The following RAB3B variants were observed in gnomAD, a reference collection of about 807,000 sequenced individuals.
The protein encoded by RAB3B is RAB3B, member RAS oncogene family.
Under a neutral mutation model 20.5 loss-of-function variants are expected in RAB3B, and 11 were observed. The observed-to-expected ratio is 0.54, with a 90% CI of 0.34 to 0.89. The LOEUF (loss-of-function observed/expected upper bound fraction) is 0.89, where lower values mean the gene tolerates loss of function less well. Among genes scored for constraint, RAB3B ranks in the 40% least tolerant of loss-of-function variants. The probability of loss-of-function intolerance (pLI) is 0.02; values close to 1 mark genes in which losing one functional copy is unlikely to be tolerated. For missense variants in RAB3B, 225 were observed against 280.9 expected (o/e 0.80, Z 1.42); for synonymous variants, 99 against 106.3 (o/e 0.93, Z 0.42).
intron 2 of RAB3B, among the ~76,000 whole-genome samples, chr1:51,960,287 G>A (rs1684768025): frequency 6.6e-6 from 1 of 152,214 alleles, no homozygotes; most frequent in Non-Finnish European, 1.5e-5. Context: ...AATATGACAA[G>A]AGCAGAGAGG....
At chr1:51,982,307 G>C (rs1685098036) in intron 1 of RAB3B, among the ~76,000 whole-genome samples, 1 of 152,178 alleles carries the variant, frequency 6.6e-6, no homozygotes, top group African/African-American at 2.4e-5. Context: ...CAACACTTTG[G>C]GAGGCCAAGG....
Position 51,971,010 on chromosome 1 carries a change from C to CAA in RAB3B, c.228+5878_228+5879dup, listed in dbSNP as rs3074914. ...TGGGTGACAGAGCGAGACTCCGTCT[C>CAA]AAAAAAAAAAAAAAAAAAAAAAAGA... is the stretch of plus-strand genomic sequence containing the variant. On this transcript the variant is annotated intron_variant, in intron 2 of 4. Coordinates refer to ENST00000371655, the MANE Select transcript of RAB3B (RefSeq NM_002867.4). Among the ~76,000 whole-genome samples the CAA allele has an allele frequency of 8.0e-3, 438 of 54,848 alleles. 4 individuals are homozygous for CAA. The highest frequency in any genetic ancestry group is 0.033 in the East Asian group (76 of 2,312). 36.0% of individuals were successfully genotyped at this position (54,848 alleles called of 152,430 possible).
intron 4 of RAB3B, among the ~76,000 whole-genome samples, chr1:51,928,987 A>G (rs1227067556): frequency 2.6e-5 from 4 of 152,154 alleles, no homozygotes; most frequent in African/African-American, 4.8e-5. Context: ...GTTAACTTCT[A>G]TCTGCCCCCT....
intron 1 of RAB3B, among the ~76,000 whole-genome samples, chr1:51,982,438 GC>G (rs1685100010): frequency 6.6e-6 from 1 of 151,998 alleles, no homozygotes; most frequent in Admixed American, 6.6e-5. Context: ...GTGTATTTGT[GC>G]TTTAAGTTAA....
At chr1:51,971,076 G>A (rs1684926461) in intron 2 of RAB3B, among the ~76,000 whole-genome samples, 1 of 150,834 alleles carries the variant, frequency 6.6e-6, no homozygotes. Flanking sequence ...GGACCCAAAG[G>A]TAGAGAAAGG....
intron 2 of RAB3B, among the ~76,000 whole-genome samples, chr1:51,975,797 G>T (rs1369705163): frequency 6.6e-6 from 1 of 152,094 alleles, no homozygotes; most frequent in Non-Finnish European, 1.5e-5. Flanking sequence ...TTCGAGACCA[G>T]CCTGGCCAAC....
chr1:51,976,830 C>T, intron 2 of RAB3B, 60 bp downstream of exon 2: 1 of 1,492,878 alleles, frequency 6.7e-7, no homozygotes, highest in Non-Finnish European at 9.3e-7. Flanking sequence ...CCTCTAAGCC[C>T]TTGTACTGGC....
chr1:51,922,960 G>T (rs1684192244), intron 4 of RAB3B, among the ~76,000 whole-genome samples: 1 of 152,178 alleles, frequency 6.6e-6, no homozygotes, highest in Non-Finnish European at 1.5e-5. Flanking sequence ...GTCTCCCAAA[G>T]TGCTGGGATT....
chr1:51,923,133 A>G (rs1361305318), intron 4 of RAB3B, among the ~76,000 whole-genome samples: 5 of 152,232 alleles, frequency 3.3e-5, no homozygotes, highest in African/African-American at 1.2e-4. Flanking sequence ...TGCAGTTCAC[A>G]TTAACAGTTC....
At position 51,910,136 on chromosome 1, in the gene RAB3B, T is replaced by C. The variant is rs558281423; in HGVS notation, c.*9791A>G. ...AACTGAACCCAGGTCTGTCAGACTG[T>C]AAGCCCTGTAGGCTTAACTATTCTG... On this transcript the variant is annotated 3_prime_UTR_variant, in exon 5 of 5. Coordinates refer to ENST00000371655, the MANE Select transcript of RAB3B (RefSeq NM_002867.4). 1.1e-4 allele frequency: 16 copies of C among 152,308 alleles called. No individual in the cohort carries two copies. In the South Asian group the frequency reaches 2.7e-3, roughly 26 times the overall value. 9.4% of individuals were successfully genotyped at this position (152,308 alleles called of 1,614,324 possible).
At chr1:51,933,219 C>G in intron 4 of RAB3B, 99 bp downstream of exon 4, 6 of 1,308,486 alleles carry the variant, frequency 4.6e-6, no homozygotes, top group Non-Finnish European at 6.3e-6. Flanking sequence ...AATCACAACA[C>G]TAATGTCATA....
intron 2 of RAB3B, among the ~76,000 whole-genome samples, chr1:51,967,515 C>CTTTTTTTT (rs67927521): frequency 6.1e-5 from 1 of 16,436 alleles, no homozygotes; most frequent in African/African-American, 9.3e-5. Flanking sequence ...CTTTTCTTTT[C>CTTTTTTTT]TTTTTCTTTT....
chr1:51,957,066 T>G (rs2124283858), intron 2 of RAB3B, among the ~76,000 whole-genome samples: 1 of 152,012 alleles, frequency 6.6e-6, no homozygotes, highest in Middle Eastern at 3.4e-3. Context: ...CTATATAAAC[T>G]CTTTTCATGG....
intron 1 of RAB3B, among the ~76,000 whole-genome samples, chr1:51,981,153 C>T (rs893660513): frequency 2.0e-5 from 3 of 152,162 alleles, no homozygotes; most frequent in African/African-American, 7.2e-5. Context: ...ACCTCAGCCT[C>T]CCGAGTAGCT....
rs138906276 is a variant in RAB3B, at chr1:51,940,404, T to C, written c.229-2992A>G. ...CTGGGAGGCCAAGGTAGGTAGATCA[T>C]TTGAAGTCAGGAGTTTGAGGCCAGC... On this transcript the variant is annotated intron_variant, in intron 2 of 4. Transcript: ENST00000371655. 5.4e-3 allele frequency among the ~76,000 whole-genome samples: 825 copies of C among 152,166 alleles called. 7 individuals carry two copies. The highest frequency in any genetic ancestry group is 0.019 in the African/African-American group (779 of 41,526).
In RAB3B at chr1:51,917,025, G is replaced by A. The variant is rs1320848326; in HGVS notation, c.*2902C>T. ...GAATGTGGTTAAGAGCACAGACCTTGGAGCCTACTGCCTGGATGTGAACTC... is the reference window on the plus strand; with the variant it reads ...GAATGTGGTTAAGAGCACAGACCTTAGAGCCTACTGCCTGGATGTGAACTC... On this transcript the variant is annotated 3_prime_UTR_variant, in exon 5 of 5. Coordinates refer to ENST00000371655, the MANE Select transcript of RAB3B (RefSeq NM_002867.4). 6.6e-6 allele frequency: 1 copy of A among 152,148 alleles called. No individual in the cohort carries two copies. Among genetic ancestry groups the A allele is most frequent in the Non-Finnish European group, 1.5e-5 (1 of 68,034 alleles). 9.4% of individuals were successfully genotyped at this position (152,148 alleles called of 1,614,324 possible). A position where few individuals can be genotyped will look rare whatever the true frequency, so the allele number is the denominator to read the frequency against.
At chr1:51,984,310 C>T (rs1288933948) in intron 1 of RAB3B, among the ~76,000 whole-genome samples, 1 of 102,372 alleles carries the variant, frequency 9.8e-6, no homozygotes, top group Non-Finnish European at 1.9e-5. Context: ...ATGAACGAGA[C>T]TTTGAAAACT....
At chr1:51,974,265 T>C (rs1204758612) in intron 2 of RAB3B, among the ~76,000 whole-genome samples, 1 of 152,230 alleles carries the variant, frequency 6.6e-6, no homozygotes, top group African/African-American at 2.4e-5. Context: ...TAATAGGTGC[T>C]TTTAGTAAAT....
chr1:51,971,761 G>C (rs947162463), intron 2 of RAB3B, among the ~76,000 whole-genome samples: 1 of 152,240 alleles, frequency 6.6e-6, no homozygotes, highest in Non-Finnish European at 1.5e-5. Flanking sequence ...TCATAACCAC[G>C]ATGGCTACTG....
Sources: gnomAD v4.1 joint callset for allele counts (sites outside exome capture counted in the v4.1 genomes callset) on GRCh38, gnomAD v4.1.1 for gene constraint, MANE v1.5 for transcripts, NCBI Gene and HGNC (gene_info 2026-07-23, HGNC 2026-07-21) for gene names.